The following STPG2 variants were observed in gnomAD, a reference collection of about 807,000 sequenced individuals.
The protein encoded by STPG2 is sperm-tail PG-rich repeat-containing protein 2.
STPG2 carries 56 observed loss-of-function variants against 54.2 expected under a neutral mutation model. That is an observed-to-expected ratio of 1.03 (90% CI 0.83 to 1.29). STPG2 has a LOEUF of 1.29. Ranked by LOEUF, STPG2 falls within the 50% of genes most tolerant of loss-of-function variation. The pLI is 0.00. For missense variants in STPG2, 596 were observed against 544.9 expected, an observed-to-expected ratio of 1.09 and a Z score of -0.93; for synonymous variants, 200 against 181.8, an observed-to-expected ratio of 1.10 and a Z score of -0.81.
chr4:98,078,201 G>T (rs1014134962), intron 5 of STPG2, among the ~76,000 whole-genome samples: 1 of 152,166 alleles, frequency 6.6e-6, no homozygotes, highest in Middle Eastern at 3.4e-3. Context: ...AAACTCCTTA[G>T]GCAAATATCT....
At chr4:97,770,927 C>T (rs1037403932) in intron 9 of STPG2, among the ~76,000 whole-genome samples, 1 of 152,002 alleles carries the variant, frequency 6.6e-6, no homozygotes, top group Non-Finnish European at 1.5e-5. Context: ...TTTTGAGAGA[C>T]CTATTAACCA....
chr4:97,459,336 A>T (rs903477720), intron 4 of STPG2, among the ~76,000 whole-genome samples: 2 of 152,052 alleles, frequency 1.3e-5, no homozygotes, highest in Admixed American at 1.3e-4. Flanking sequence ...CAAGTGGTCA[A>T]CTTCTCTTTC....
chr4:97,749,079 A>C (rs1264358581), intron 9 of STPG2, among the ~76,000 whole-genome samples: 2 of 151,658 alleles, frequency 1.3e-5, no homozygotes, highest in Admixed American at 6.6e-5. Context: ...TAGAGGATTC[A>C]TGACAAGGGA....
chr4:97,843,748 C>G (rs1728867367), intron 8 of STPG2, among the ~76,000 whole-genome samples: 1 of 151,790 alleles, frequency 6.6e-6, no homozygotes, highest in South Asian at 2.1e-4. Flanking sequence ...GGTGGGTCAG[C>G]CTGTTTGTAT....
intron 9 of STPG2, among the ~76,000 whole-genome samples, chr4:97,736,745 G>A (rs967369774): frequency 3.3e-5 from 5 of 152,202 alleles, no homozygotes; most frequent in Non-Finnish European, 5.9e-5. Flanking sequence ...GCTCAAGGAG[G>A]CCTGCCTGCC....
At chr4:97,696,770 C>T (rs904225964) in intron 10 of STPG2, among the ~76,000 whole-genome samples, 6 of 152,140 alleles carry the variant, frequency 3.9e-5, no homozygotes, top group Admixed American at 1.3e-4. Context: ...AGCCAACAGA[C>T]ATTAAATAAT....
intron 9 of STPG2, among the ~76,000 whole-genome samples, chr4:97,722,693 C>A (rs1389947775): frequency 6.6e-6 from 1 of 151,638 alleles, no homozygotes; most frequent in Non-Finnish European, 1.5e-5. Flanking sequence ...AATTAATAGA[C>A]CTATAAAACA....
intron 10 of STPG2, among the ~76,000 whole-genome samples, chr4:97,619,244 T>G (rs1733946440): frequency 6.6e-6 from 1 of 152,084 alleles, no homozygotes; most frequent in Non-Finnish European, 1.5e-5. Context: ...TGTGTATGTG[T>G]GTGTGTGTGT....
chr4:97,851,161 A>G (rs568375579), intron 8 of STPG2, among the ~76,000 whole-genome samples: 2 of 152,294 alleles, frequency 1.3e-5, no homozygotes, highest in South Asian at 4.1e-4. Flanking sequence ...CAAGTCTCTA[A>G]TGACGTGTTT....
At position 97,864,272 on chromosome 4, in the gene STPG2, G is replaced by A. The variant is rs938768389; in HGVS notation, c.1045-23340C>T. Among the ~76,000 whole-genome samples the A allele has an allele frequency of 9.3e-5, 14 of 150,032 alleles. No individual in the cohort carries two copies. In the East Asian group the frequency reaches 1.2e-3, roughly 13 times the overall value. Reference sequence around the variant, plus strand: ...AAGTCTCAGGATACAAAATCAATGTGCAAAAATCACAAGCATTCTTAGACA... The same window carrying A: ...AAGTCTCAGGATACAAAATCAATGTACAAAAATCACAAGCATTCTTAGACA... On this transcript the variant is annotated intron_variant, in intron 8 of 10. Coordinates refer to ENST00000295268, the MANE Select transcript of STPG2 (RefSeq NM_174952.3).
intron 9 of STPG2, among the ~76,000 whole-genome samples, chr4:97,801,560 G>C (rs949826171): frequency 3.3e-5 from 5 of 152,150 alleles, no homozygotes; most frequent in African/African-American, 9.7e-5. Context: ...CACAAATCTA[G>C]GGCAGTATTT....
chr4:98,124,324 CT>C (rs1291925456), intron 3 of STPG2, among the ~76,000 whole-genome samples: 2 of 152,120 alleles, frequency 1.3e-5, no homozygotes, highest in Non-Finnish European at 2.9e-5. Flanking sequence ...ACGGTTTTTT[CT>C]TTCCATATGT....
chr4:97,593,804 A>G (rs1300139525), intron 10 of STPG2, among the ~76,000 whole-genome samples: 1 of 152,188 alleles, frequency 6.6e-6, no homozygotes, highest in Non-Finnish European at 1.5e-5. Context: ...CCTCAAATGC[A>G]GAAGGTTCAC....
At chr4:98,054,103 A>G (rs1737410927) in intron 5 of STPG2, among the ~76,000 whole-genome samples, 1 of 143,394 alleles carries the variant, frequency 7.0e-6, no homozygotes, top group South Asian at 2.3e-4. Context: ...GGAAAATATC[A>G]TAGTTCAGAA....
intron 9 of STPG2, among the ~76,000 whole-genome samples, chr4:97,735,322 T>A (rs539565895): frequency 2.6e-5 from 4 of 151,526 alleles, no homozygotes; most frequent in African/African-American, 9.7e-5. Flanking sequence ...AAACCATATG[T>A]TCTCACTTAT....
At chr4:97,810,999 ACTT>A (rs1727720129) in intron 9 of STPG2, among the ~76,000 whole-genome samples, 1 of 152,128 alleles carries the variant, frequency 6.6e-6, no homozygotes, top group Non-Finnish European at 1.5e-5. Context: ...TCTTTTGTTC[ACTT>A]CTTAAAAGTA....
At chr4:97,870,533 T>A (rs1159358815) in intron 8 of STPG2, among the ~76,000 whole-genome samples, 1 of 151,366 alleles carries the variant, frequency 6.6e-6, no homozygotes, top group East Asian at 1.9e-4. Flanking sequence ...TCTGTGATCA[T>A]AATATTATAA....
intron 9 of STPG2, among the ~76,000 whole-genome samples, chr4:97,828,063 G>A (rs1336861043): frequency 6.6e-6 from 1 of 152,114 alleles, no homozygotes; most frequent in Non-Finnish European, 1.5e-5. Flanking sequence ...AATTTAAAAA[G>A]CCTCTATAAA....
chr4:97,565,845 T>TA (rs1553938329), intron 10 of STPG2, among the ~76,000 whole-genome samples: 1 of 151,778 alleles, frequency 6.6e-6, no homozygotes, highest in Non-Finnish European at 1.5e-5. Flanking sequence ...CTGCCGCTAC[T>TA]GGGGGGTGCC....
Sources: allele counts gnomAD v4.1 joint callset (sites outside exome capture counted in the v4.1 genomes callset), GRCh38; gene constraint gnomAD v4.1.1; transcripts MANE v1.5; gene names NCBI Gene and HGNC (gene_info 2026-07-23, HGNC 2026-07-21).